ARHGAP45: variants seen among roughly 807,000 people sequenced by gnomAD.
ARHGAP45 encodes rho GTPase-activating protein 45.
Under a neutral mutation model 116.1 loss-of-function variants are expected in ARHGAP45, and 56 were observed. The observed-to-expected ratio is 0.48, with a 90% CI of 0.39 to 0.60. ARHGAP45 has a LOEUF of 0.60. Among genes scored for constraint, ARHGAP45 ranks in the 20% least tolerant of loss-of-function variants. The probability of loss-of-function intolerance (pLI) is 0.00; values close to 1 mark genes in which losing one functional copy is unlikely to be tolerated. For missense variants in ARHGAP45, 1,622 were observed against 1,601.0 expected, an observed-to-expected ratio of 1.01 and a Z score of -0.22; for synonymous variants, 866 against 701.7, an observed-to-expected ratio of 1.23 and a Z score of -3.70.
chr19:1,071,934 C>A lies in ARHGAP45; in HGVS notation c.422-1215C>A, dbSNP rs998240170. Among the ~76,000 whole-genome samples, 1 of 152,208 alleles carries A rather than the reference C, an allele frequency of 6.6e-6. No homozygotes were observed. Among genetic ancestry groups the A allele is most frequent in the Admixed American group, 6.5e-5 (1 of 15,284 alleles). ...CCTCTGTCCTCCCGGGTACCTTTCCCCTCCTACGAATTCCGTGGGTTTGTT... is the reference window on the plus strand; with the variant it reads ...CCTCTGTCCTCCCGGGTACCTTTCCACTCCTACGAATTCCGTGGGTTTGTT... On this transcript the variant is annotated intron_variant, in intron 2 of 22. Coordinates refer to ENST00000313093, the MANE Select transcript of ARHGAP45 (RefSeq NM_012292.5). This position sits in a 1 kb window ranked among gnomAD's most constrained non-coding sequence, Gnocchi z 4.6.
rs1051635686 is a variant in ARHGAP45, at chr19:1,085,970, G to A, written c.3375G>A (p.Leu1125=). 3.1e-6 allele frequency: 5 copies of A among 1,612,772 alleles called. No homozygotes were observed. The highest frequency in any genetic ancestry group is 1.3e-5 in the African/African-American group (1 of 75,046). Residue 1125 remains leucine, a synonymous_variant, in exon 23 of 23, where the codon CTG becomes CTA. Coordinates refer to ENST00000313093, the MANE Select transcript of ARHGAP45 (RefSeq NM_012292.5). ...PMRLRGGRMT[L]GSCRERQPEF... is the part of the protein sequence containing the mutation. ...GGCTCCGTGGCGGGCGGATGACACT[G>A]GGCTCCTGCAGGGAAAGGCAGCCGG...
chr19:1,077,366 C>T, intron 10 of ARHGAP45: 1 of 999,260 alleles, frequency 1.0e-6, no homozygotes, highest in Non-Finnish European at 1.2e-6. Context: ...CGGGTGCCTC[C>T]TCCCGTTCTT....
In ARHGAP45 at chr19:1,071,180, G is replaced by T. The variant is rs2043133088; in HGVS notation, c.422-1969G>T. On this transcript the variant is annotated intron_variant, in intron 2 of 22. Coordinates refer to ENST00000313093, the MANE Select transcript of ARHGAP45 (RefSeq NM_012292.5). This position sits in a 1 kb window ranked among gnomAD's most constrained non-coding sequence, Gnocchi z 4.6. ...GACCCCAGGGCGGGGTTTCCCTCGCGGGGGCGGGGCCTCCTGACCGGCCGG... is the reference window on the plus strand; with the variant it reads ...GACCCCAGGGCGGGGTTTCCCTCGCTGGGGCGGGGCCTCCTGACCGGCCGG... 1.5e-6 allele frequency: 2 copies of T among 1,346,204 alleles called. No homozygotes were observed. The highest frequency in any genetic ancestry group is 1.6e-5 in the African/African-American group (1 of 63,070). The allele number at this position is 1,346,204 out of a possible 1,614,324, so 83.4% of individuals were successfully genotyped here.
intron 19 of ARHGAP45, chr19:1,082,541 G>A: frequency 2.2e-6 from 1 of 456,994 alleles, no homozygotes; most frequent in Non-Finnish European, 3.9e-6. Flanking sequence ...GCACTTCGCA[G>A]GTGGTTGGGA....
intron 1 of ARHGAP45, among the ~76,000 whole-genome samples, chr19:1,067,951 A>G (rs1386038646): frequency 2.5e-5 from 1 of 39,464 alleles, no homozygotes; most frequent in African/African-American, 1.4e-4. Flanking sequence ...GTGTCTACAA[A>G]GCTGGGGGGG....
intron 10 of ARHGAP45, chr19:1,077,609 C>T: frequency 7.3e-7 from 1 of 1,361,002 alleles, no homozygotes; most frequent in Non-Finnish European, 9.7e-7. Context: ...TGGTCTCAAA[C>T]TCCTGACCTC....
chr19:1,070,292 C>T (rs11084879), intron 2 of ARHGAP45, among the ~76,000 whole-genome samples: 8,014 of 149,730 alleles, frequency 0.054, 308 homozygotes, highest in East Asian at 0.19. Context: ...CCACCGTGCC[C>T]GGGCTTTTCT....
At position 1,085,865 on chromosome 19, in the gene ARHGAP45, G is replaced by T; in HGVS notation, c.3270G>T (p.Glu1090Asp). 1 of 1,612,818 alleles carries T rather than the reference G, an allele frequency of 6.2e-7. No homozygotes were observed. Among genetic ancestry groups the T allele is most frequent in the South Asian group, 1.1e-5 (1 of 91,084 alleles). The change falls in exon 23 of 23, where the codon GAG becomes GAT. Residue 1090 changes from glutamate to aspartate, a missense_variant. Coordinates refer to ENST00000313093, the MANE Select transcript of ARHGAP45 (RefSeq NM_012292.5). ...ATAREDGDGD[E>D]DGPAQQLSGF... ...CCCGGGAGGACGGGGACGGGGACGA[G>T]GACGGCCCGGCCCAGCAGCTCTCAG...
rs761835591 is a variant in ARHGAP45 at position 1,083,146 on chromosome 19, C to T, written c.2748C>T (p.Ile916=). The T allele has an allele frequency of 3.0e-5, 48 of 1,606,872 alleles. No homozygotes were observed. Among genetic ancestry groups the T allele is most frequent in the Non-Finnish European group, 4.0e-5 (47 of 1,178,590 alleles). Residue 916 remains isoleucine (I), a synonymous_variant, in exon 21 of 23, where the codon ATC becomes ATT. Transcript: ENST00000313093. ...CTGGCCCCTGCCCACCCCGCAGGAT[C>T]GTGGAGGTGGAGCAGGACAACAAGA... ...LQYLLRHLRR[I]VEVEQDNKMT... is the part of the protein sequence containing the mutation.
rs1462394844 is a variant in ARHGAP45, at chr19:1,071,406, C to T, written c.422-1743C>T. The T allele has an allele frequency of 3.5e-6, 4 of 1,139,682 alleles. No individual in the cohort carries two copies. The highest frequency in any genetic ancestry group is 3.3e-5 in the African/African-American group (2 of 60,238). 70.6% of individuals were successfully genotyped at this position (1,139,682 alleles called of 1,614,324 possible). On this transcript the variant is annotated intron_variant, in intron 2 of 22. Coordinates refer to ENST00000313093, the MANE Select transcript of ARHGAP45 (RefSeq NM_012292.5). The surrounding 1 kb of genome is among the most constrained non-coding windows in gnomAD (Gnocchi z 4.6). ...CTGGGTCCCGCCGCGTCCGGGAGCA[C>T]GTGGCGCTCGGGCCGTTTGCCGCCC...
rs369763242 is a variant in ARHGAP45, at chr19:1,086,001, G to C, written c.3406G>C (p.Val1136Leu). Residue 1136 changes from valine (V) to leucine (L), a missense_variant, in exon 23 of 23, where the codon GTG becomes CTG. Around this residue, in one of 3 missense-constraint regions of ARHGAP45, gnomAD observed 1,334 missense variants for 1,263.8 expected, o/e 1.06. Coordinates refer to ENST00000313093, the MANE Select transcript of ARHGAP45 (RefSeq NM_012292.5). ...GSCRERQPEF[V>L] is the part of the protein sequence containing the mutation. ...CTGCAGGGAAAGGCAGCCGGAATTC[G>C]TGTGAGCTGGGGTGGGGCTGGGACC... The C allele has an allele frequency of 6.2e-7, 1 of 1,611,296 alleles. No individual in the cohort carries two copies. The highest frequency in any genetic ancestry group is 8.5e-7 in the Non-Finnish European group (1 of 1,178,954).
intron 19 of ARHGAP45, 145 bp downstream of exon 19, chr19:1,082,106 G>A (rs1052838675): frequency 1.2e-6 from 1 of 832,976 alleles, no homozygotes; most frequent in Non-Finnish European, 1.8e-6. Flanking sequence ...CAGGGTGGGC[G>A]GGACAGTGCC....
At position 1,079,605 on chromosome 19, in the gene ARHGAP45, C is replaced by T. The variant is rs191400775; in HGVS notation, c.1375-98C>T. 1.7e-4 allele frequency: 250 copies of T among 1,481,890 alleles called. No homozygotes were observed. In the African/African-American group the frequency reaches 3.2e-3, roughly 19 times the overall value. The allele number at this position is 1,481,890 out of a possible 1,614,324, so 91.8% of individuals were successfully genotyped here. On this transcript the variant is annotated intron_variant, in intron 11 of 22. Coordinates refer to ENST00000313093, the MANE Select transcript of ARHGAP45 (RefSeq NM_012292.5). ...TCTCCCACTGTGGCCTCCCGAGGCG[C>T]TGGGATGACAGGCGTCAGCCCCGCC...
chr19:1,074,893 GC>G lies in ARHGAP45; in HGVS notation c.1185+15del. ...CAGAGGAAGCTGGTGAGGCGGGCGG[GC>G]GGGGGCGGGCGGGGGCGGGCAGCGG... On this transcript the variant is annotated intron_variant, in intron 10 of 22. Transcript: ENST00000313093. The G allele has an allele frequency of 1.4e-6, 2 of 1,446,828 alleles. No homozygotes were observed. Among genetic ancestry groups the G allele is most frequent in the Non-Finnish European group, 1.9e-6 (2 of 1,075,846 alleles). 89.6% of individuals were successfully genotyped at this position (1,446,828 alleles called of 1,614,324 possible). A position where few individuals can be genotyped will look rare whatever the true frequency, so the allele number is the denominator to read the frequency against.
At chr19:1,084,780 C>T (rs1320255897) in intron 22 of ARHGAP45, among the ~76,000 whole-genome samples, 2 of 152,162 alleles carry the variant, frequency 1.3e-5, no homozygotes, top group South Asian at 4.1e-4. Context: ...TCTGTCTTCA[C>T]ACTGCTGATA....
Position 1,081,968 on chromosome 19 carries a change from C to A in ARHGAP45, c.2517+7C>A. On this transcript the variant is annotated splice_region_variant and intron_variant, in intron 19 of 22. Transcript: ENST00000313093. ...CAAGCTCTACCTGCGTCAGGTGAGA[C>A]CCACCGGTGGTGGCCAGGCAGAGCC... 4 of 1,608,280 alleles carry A rather than the reference C, an allele frequency of 2.5e-6. No homozygotes were observed. Among genetic ancestry groups the A allele is most frequent in the Non-Finnish European group, 2.5e-6 (3 of 1,177,800 alleles).
upstream of ARHGAP45, chr19:1,066,011 C>G (rs2043022666): frequency 6.5e-7 from 1 of 1,534,480 alleles, no homozygotes; most frequent in Non-Finnish European, 8.7e-7. Flanking sequence ...CCCTCTGACC[C>G]CAGCCCTCAG....
chr19:1,081,907 G>A lies in ARHGAP45; in HGVS notation c.2463G>A (p.Leu821=). The change falls in exon 19 of 23, where the codon CTG becomes CTA. Residue 821 remains leucine, a synonymous_variant. Transcript: ENST00000313093. ...AGAACGGCAAGGAGCTGGTCGAGCT[G>A]TCGCAGGCCTCGCCCCACGACATCA... ...AFENGKELVE[L]SQASPHDISN... 1 of 1,613,078 alleles carries A rather than the reference G, an allele frequency of 6.2e-7. No homozygotes were observed. The highest frequency in any genetic ancestry group is 8.5e-7 in the Non-Finnish European group (1 of 1,179,882).
chr19:1,084,806 C>T (rs1456619628), intron 22 of ARHGAP45, among the ~76,000 whole-genome samples: 2 of 152,178 alleles, frequency 1.3e-5, no homozygotes, highest in Non-Finnish European at 2.9e-5. Flanking sequence ...ATACCTGAGG[C>T]TGGGCACGGT....
Sources: gnomAD v4.1 joint callset for allele counts (sites outside exome capture counted in the v4.1 genomes callset) on GRCh38, gnomAD v4.1.1 for gene constraint, gnomAD v4.1.1 regional missense constraint, Gnocchi (gnomAD v3.1) non-coding constraint, MANE v1.5 for transcripts, NCBI Gene and HGNC (gene_info 2026-07-23, HGNC 2026-07-21) for gene names.